The following STK32B variants were observed in gnomAD, a reference collection of about 807,000 sequenced individuals.
STK32B encodes serine/threonine kinase 32B.
In STK32B, 43 loss-of-function variants were observed where a neutral mutation model predicts 52.6. That is an observed-to-expected ratio of 0.82 (90% CI 0.64 to 1.05). The LOEUF (loss-of-function observed/expected upper bound fraction) is 1.05. Ranked by LOEUF, STK32B falls within the 50% of genes least tolerant of loss-of-function variation. The pLI is 0.00. For missense variants in STK32B, 621 were observed against 534.6 expected, an observed-to-expected ratio of 1.16 and a Z score of -1.59; for synonymous variants, 238 against 204.3, an observed-to-expected ratio of 1.17 and a Z score of -1.41.
At chr4:5,136,251 C>A (rs1007567540) in intron 1 of STK32B, among the ~76,000 whole-genome samples, 2 of 152,238 alleles carry the variant, frequency 1.3e-5, no homozygotes, top group African/African-American at 4.8e-5. Context: ...GTTCCATTGT[C>A]TTCATGATGC....
intron 2 of STK32B, among the ~76,000 whole-genome samples, chr4:5,157,227 T>C (rs900584762): frequency 1.3e-5 from 2 of 149,900 alleles, no homozygotes; most frequent in African/African-American, 4.9e-5. Flanking sequence ...CCTGGCAGGA[T>C]ACTGAGTTCA....
At chr4:5,060,122 A>G (rs1433459158) in intron 1 of STK32B, among the ~76,000 whole-genome samples, 1 of 152,008 alleles carries the variant, frequency 6.6e-6, no homozygotes, top group Non-Finnish European at 1.5e-5. Flanking sequence ...ATGTGCCCCT[A>G]CGCCCGGCTA....
At chr4:5,034,357 T>C in the STK32B span, among the ~76,000 whole-genome samples, 1 of 152,232 alleles carries the variant, frequency 6.6e-6, no homozygotes, top group Admixed American at 6.5e-5. Context: ...TTTACAAAAC[T>C]TGTGCCTTCC....
At chr4:5,019,748 A>G in the STK32B span, among the ~76,000 whole-genome samples, 4 of 152,088 alleles carry the variant, frequency 2.6e-5, no homozygotes, top group African/African-American at 9.7e-5. Flanking sequence ...AAAGGCAGGA[A>G]CAGCAGATGG....
intron 3 of STK32B, among the ~76,000 whole-genome samples, chr4:5,314,227 A>G (rs1222158636): frequency 6.6e-6 from 1 of 152,206 alleles, no homozygotes; most frequent in Non-Finnish European, 1.5e-5. Flanking sequence ...ACATAGATCA[A>G]TGGAACAGAA....
intron 3 of STK32B, among the ~76,000 whole-genome samples, chr4:5,272,177 C>T (rs1373958138): frequency 7.0e-6 from 1 of 143,008 alleles, no homozygotes; most frequent in African/African-American, 2.8e-5. Flanking sequence ...GAAATACATC[C>T]CATCAATACC....
intron 2 of STK32B, among the ~76,000 whole-genome samples, chr4:5,150,870 G>T (rs998003870): frequency 5.9e-5 from 9 of 152,128 alleles, no homozygotes; most frequent in African/African-American, 2.2e-4. Flanking sequence ...TCATCTTAAT[G>T]TTGAGATTTT....
chr4:5,211,079 G>A (rs1270975450), intron 3 of STK32B, among the ~76,000 whole-genome samples: 1 of 152,104 alleles, frequency 6.6e-6, no homozygotes, highest in African/African-American at 2.4e-5. Flanking sequence ...ACAGGTGTGA[G>A]CTACCATGCC....
chr4:5,490,996 T>G (rs1225530344), intron 11 of STK32B, among the ~76,000 whole-genome samples: 1 of 152,202 alleles, frequency 6.6e-6, no homozygotes, highest in Admixed American at 6.5e-5. Flanking sequence ...GGGTTGGTTC[T>G]AAGTCTTTGC....
chr4:5,238,367 C>T (rs367950448), intron 3 of STK32B, among the ~76,000 whole-genome samples: 61 of 152,134 alleles, frequency 4.0e-4, no homozygotes, highest in Middle Eastern at 3.4e-3. Context: ...GTTTCTTCTC[C>T]TTTCTTCTTT....
intron 6 of STK32B, among the ~76,000 whole-genome samples, chr4:5,424,125 A>C (rs1303115479): frequency 6.6e-6 from 1 of 152,072 alleles, no homozygotes; most frequent in Non-Finnish European, 1.5e-5. Context: ...CCAGGTATGC[A>C]CATGCTCAGG....
At chr4:5,441,756 C>T (rs1262285534) in intron 6 of STK32B, among the ~76,000 whole-genome samples, 70 of 147,448 alleles carry the variant, frequency 4.7e-4, no homozygotes, top group African/African-American at 1.7e-3. Flanking sequence ...TATAAATTTC[C>T]CTCTACACAC....
chr4:5,125,915 C>T (rs1487587029), intron 1 of STK32B, among the ~76,000 whole-genome samples: 2 of 152,112 alleles, frequency 1.3e-5, no homozygotes, highest in Non-Finnish European at 2.9e-5. Flanking sequence ...GTGATCTGCC[C>T]CCATCAGATC....
intron 11 of STK32B, among the ~76,000 whole-genome samples, chr4:5,482,299 A>T (rs2109201272): frequency 6.6e-6 from 1 of 152,330 alleles, no homozygotes; most frequent in African/African-American, 2.4e-5. Context: ...GAGGTTCTTC[A>T]CATCCCTTGT....
chr4:5,377,553 T>C (rs1271865708), intron 4 of STK32B, among the ~76,000 whole-genome samples: 3 of 152,196 alleles, frequency 2.0e-5, no homozygotes, highest in African/African-American at 4.8e-5. Context: ...ACAAAAGATA[T>C]CCAGTGATAT....
At chr4:5,448,386 A>G (rs1560422397) in intron 7 of STK32B, among the ~76,000 whole-genome samples, 1 of 152,200 alleles carries the variant, frequency 6.6e-6, no homozygotes. Flanking sequence ...GAGGAGGAAT[A>G]TGAGGGTCCA....
chr4:5,361,457 G>T (rs181485092), intron 4 of STK32B, among the ~76,000 whole-genome samples: 2 of 151,982 alleles, frequency 1.3e-5, no homozygotes, highest in Admixed American at 6.6e-5. Context: ...CTGCAGCCTC[G>T]ACCTCCCAGT....
At chr4:5,141,196 A>G (rs1716420489) in intron 2 of STK32B, among the ~76,000 whole-genome samples, 1 of 152,230 alleles carries the variant, frequency 6.6e-6, no homozygotes, top group Non-Finnish European at 1.5e-5. Context: ...ACTGTATTGG[A>G]AGCTCAGGTT....
intron 6 of STK32B, among the ~76,000 whole-genome samples, chr4:5,434,896 T>A (rs2109097484): frequency 6.6e-6 from 1 of 152,270 alleles, no homozygotes; most frequent in East Asian, 1.9e-4. Context: ...AAGCCACTAT[T>A]CGTAATAATA....
Sources: gnomAD v4.1 joint callset for allele counts (sites outside exome capture counted in the v4.1 genomes callset) on GRCh38, gnomAD v4.1.1 for gene constraint, MANE v1.5 for transcripts, NCBI Gene and HGNC (gene_info 2026-07-23, HGNC 2026-07-21) for gene names.